The following NENF variants were observed in gnomAD, a reference collection of about 807,000 sequenced individuals.
NENF encodes the protein neudesin.
A neutral mutation model predicts 14.8 loss-of-function variants in NENF; 6 were observed. The observed-to-expected ratio is 0.40, with a 90% confidence interval of 0.22 to 0.80. The LOEUF is 0.80. Among genes scored for constraint, NENF ranks in the 30% least tolerant of loss-of-function variants. The probability of loss-of-function intolerance (pLI) is 0.34; values close to 1 mark genes in which losing one functional copy is unlikely to be tolerated. For synonymous variants in NENF, 76 were observed against 95.1 expected (o/e 0.80, Z 1.17); for missense variants, 184 against 212.7 (o/e 0.87, Z 0.84).
Position 212,446,170 on chromosome 1 carries a change from G to A in NENF, c.*164G>A. On this transcript the variant is annotated 3_prime_UTR_variant, in exon 4 of 4. Transcript: ENST00000366988. The stretch of plus-strand genomic sequence containing the variant: ...ATGCCTCCTGTTGTCCTTGGTCAGG[G>A]GTTCTGTCTACCTGGGGACCCCTGT... The A allele has an allele frequency of 1.5e-6, 1 of 687,534 alleles. No homozygotes were observed. The highest frequency in any genetic ancestry group is 2.8e-5 in the East Asian group (1 of 36,190). 42.6% of individuals were successfully genotyped at this position (687,534 alleles called of 1,614,324 possible).
intron 1 of NENF, 85 bp from the exon 2 acceptor site, chr1:212,442,480 C>A: frequency 1.9e-6 from 2 of 1,072,876 alleles, no homozygotes; most frequent in Admixed American, 1.7e-5. Context: ...CTTTGCTCAG[C>A]TTGTGATGGG....
intron 2 of NENF, among the ~76,000 whole-genome samples, chr1:212,443,586 C>G (rs1416990447): frequency 6.6e-6 from 1 of 151,490 alleles, no homozygotes; most frequent in Non-Finnish European, 1.5e-5. Flanking sequence ...GATGGGGTTT[C>G]ACCATGTTAA....
chr1:212,442,027 T>G (rs1662706183), intron 1 of NENF, among the ~76,000 whole-genome samples: 1 of 152,232 alleles, frequency 6.6e-6, no homozygotes, highest in South Asian at 2.1e-4. Flanking sequence ...TTTTCTTTTT[T>G]TTGAGACGGA....
At chr1:212,443,028 A>C (rs1662721430) in intron 2 of NENF, among the ~76,000 whole-genome samples, 1 of 152,192 alleles carries the variant, frequency 6.6e-6, no homozygotes, top group South Asian at 2.1e-4. Context: ...GGTGTGAGCC[A>C]CCACACCTGG....
At chr1:212,443,243 TAGAACATTAC>T (rs1662723469) in intron 2 of NENF, among the ~76,000 whole-genome samples, 1 of 152,242 alleles carries the variant, frequency 6.6e-6, no homozygotes, top group South Asian at 2.1e-4. Flanking sequence ...GTTGGCATTA[TAGAACATTAC>T]AGAACATTTT....
intron 1 of NENF, among the ~76,000 whole-genome samples, chr1:212,437,006 A>G (rs1050521090): frequency 6.6e-6 from 1 of 152,186 alleles, no homozygotes; most frequent in South Asian, 2.1e-4. Flanking sequence ...TGGTGTGCAC[A>G]GGCTTAGCGT....
Position 212,445,899 on chromosome 1 carries a change from C to G in NENF, c.412C>G (p.Pro138Ala), listed in dbSNP as rs753436517. 2 of 1,614,126 alleles carry G rather than the reference C, an allele frequency of 1.2e-6. No individual in the cohort carries two copies. The highest frequency in any genetic ancestry group is 1.7e-6 in the Non-Finnish European group (2 of 1,180,018). The change falls in exon 4 of 4, where the codon CCC becomes GCC. Residue 138 changes from proline to alanine, a missense_variant. Transcript: ENST00000366988. ...VFTKVYKAKY[P>A]IVGYTARRIL... ...CACCAAAGTGTACAAAGCCAAATAC[C>G]CCATCGTCGGCTACACTGCCCGGAG...
rs1325545854 is a variant in NENF at position 212,432,954 on chromosome 1, C to G, written c.11C>G (p.Pro4Arg). 1 of 935,992 alleles carries G rather than the reference C, an allele frequency of 1.1e-6. No homozygotes were observed. 58.0% of individuals were successfully genotyped at this position (935,992 alleles called of 1,614,324 possible). Residue 4 changes from proline to arginine, a missense_variant, in exon 1 of 4, where the codon CCC becomes CGC. Coordinates refer to ENST00000366988, the MANE Select transcript of NENF (RefSeq NM_013349.5). The stretch of plus-strand genomic sequence containing the variant: ...CGCTGCGCGCTCACCATGGTGGGCC[C>G]CGCGCCGCGGCGGCGGCTGCGGCCG... MVG[P>R]APRRRLRPLA...
intron 1 of NENF, among the ~76,000 whole-genome samples, chr1:212,439,515 C>T (rs559888416): frequency 1.1e-4 from 16 of 151,358 alleles, no homozygotes; most frequent in Non-Finnish European, 1.3e-4. Flanking sequence ...GCACTCCAGC[C>T]TGGGCAACAA....
Position 212,433,129 on chromosome 1 carries a change from G to C in NENF, c.177+9G>C, listed in dbSNP as rs1662546277. 4.2e-6 allele frequency: 5 copies of C among 1,182,984 alleles called. No homozygotes were observed. In the East Asian group the frequency reaches 1.4e-4, roughly 34 times the overall value. The allele number at this position is 1,182,984 out of a possible 1,614,324, so 73.3% of individuals were successfully genotyped here. On this transcript the variant is annotated intron_variant, in intron 1 of 3. Transcript: ENST00000366988. The surrounding 1 kb of genome is among the most constrained non-coding windows in gnomAD (Gnocchi z 5.5). ...GCTATGGCGGGGAGGAGGTAGGCGG[G>C]GGTGTCGCGGGCCGAGGGACCCGGG...
intron 3 of NENF, among the ~76,000 whole-genome samples, 197 bp from the exon 4 acceptor site, chr1:212,445,633 C>T (rs1036751286): frequency 1.7e-4 from 26 of 152,116 alleles, no homozygotes; most frequent in East Asian, 5.8e-4. Context: ...CATTGCTCCC[C>T]GTATGTTATA....
chr1:212,435,992 A>C (rs1662596063), intron 1 of NENF, among the ~76,000 whole-genome samples: 1 of 152,224 alleles, frequency 6.6e-6, no homozygotes, highest in Admixed American at 6.5e-5. Context: ...ATCATAAAGA[A>C]GAGAAAATAT....
intron 1 of NENF, among the ~76,000 whole-genome samples, chr1:212,436,924 C>CACA (rs1662609365): frequency 1.2e-5 from 1 of 81,864 alleles, no homozygotes; most frequent in Non-Finnish European, 2.7e-5. Flanking sequence ...TCACCTCTAC[C>CACA]AAAAAAAAAA....
At chr1:212,442,291 CGT>C (rs1422156380) in intron 1 of NENF, among the ~76,000 whole-genome samples, 1 of 152,242 alleles carries the variant, frequency 6.6e-6, no homozygotes, top group African/African-American at 2.4e-5. Flanking sequence ...GGATTACAGG[CGT>C]GAGTCACTGT....
chr1:212,434,509 C>T (rs918581668), intron 1 of NENF, among the ~76,000 whole-genome samples: 13 of 152,210 alleles, frequency 8.5e-5, no homozygotes, highest in Non-Finnish European at 1.6e-4. Flanking sequence ...ATGGGCATCT[C>T]TAGCAGAGGA....
chr1:212,440,466 G>A (rs1662684283), intron 1 of NENF, among the ~76,000 whole-genome samples: 2 of 152,278 alleles, frequency 1.3e-5, no homozygotes, highest in South Asian at 2.1e-4. Context: ...GCCGTCTGCT[G>A]GCTTGGAAAT....
chr1:212,439,559 G>T (rs12045692), intron 1 of NENF, among the ~76,000 whole-genome samples: 3 of 149,574 alleles, frequency 2.0e-5, no homozygotes, highest in African/African-American at 7.4e-5. Flanking sequence ...AAAAAAGATT[G>T]TTTGCCGGGC....
In NENF at chr1:212,432,964, G is replaced by A; in HGVS notation, c.21G>A (p.Arg7=). The A allele has an allele frequency of 2.0e-6, 2 of 998,584 alleles. No individual in the cohort carries two copies. Among genetic ancestry groups the A allele is most frequent in the Non-Finnish European group, 2.5e-6 (2 of 811,872 alleles). 61.9% of individuals were successfully genotyped at this position (998,584 alleles called of 1,614,324 possible). A position where few individuals can be genotyped will look rare whatever the true frequency, so the allele number is the denominator to read the frequency against. MVGPAP[R]RRLRPLAALA... Reference sequence around the variant, plus strand: ...TCACCATGGTGGGCCCCGCGCCGCGGCGGCGGCTGCGGCCGCTGGCAGCGC... The same window carrying A: ...TCACCATGGTGGGCCCCGCGCCGCGACGGCGGCTGCGGCCGCTGGCAGCGC... The change falls in exon 1 of 4, where the codon CGG becomes CGA. Residue 7 remains arginine, a synonymous_variant. Transcript: ENST00000366988.
chr1:212,445,696 A>G lies in NENF; in HGVS notation c.343-134A>G, dbSNP rs58475088. The G allele has an allele frequency of 3.1e-3, 1,134 of 366,212 alleles. 9 individuals carry two copies. Among genetic ancestry groups the G allele is most frequent in the African/African-American group, 0.029 (1,053 of 35,998 alleles). The allele number at this position is 366,212 out of a possible 1,614,324, so 22.7% of individuals were successfully genotyped here. On this transcript the variant is annotated intron_variant, in intron 3 of 3. Transcript: ENST00000366988. ...GCAGTGTCTCTTAAGCCATTTGTCC[A>G]TTATTTGGTTTGTTGAGATATCTTT...
Sources: allele counts gnomAD v4.1 joint callset (sites outside exome capture counted in the v4.1 genomes callset), GRCh38; gene constraint gnomAD v4.1.1; non-coding constraint Gnocchi (gnomAD v3.1); transcripts MANE v1.5; gene names NCBI Gene and HGNC (gene_info 2026-07-23, HGNC 2026-07-21).